The following TRIP12 variants were observed in gnomAD, a reference collection of about 807,000 sequenced individuals.
TRIP12 encodes E3 ubiquitin-protein ligase TRIP12.
TRIP12 carries 25 observed loss-of-function variants against 244.2 expected under a neutral mutation model. The ratio of observed to expected loss-of-function variants is 0.10; its 90% confidence interval spans 0.07 to 0.14. The LOEUF is 0.14. Among genes scored for constraint, TRIP12 ranks in the 10% least tolerant of loss-of-function variants. TRIP12 has a pLI of 1.00. For missense variants in TRIP12, 1,677 were observed against 2,486.4 expected (o/e 0.67, Z 6.92); for synonymous variants, 905 against 873.1 (o/e 1.04, Z -0.64).
At chr2:229,775,391 A>T (rs1455899951) in intron 37 of TRIP12, among the ~76,000 whole-genome samples, 4 of 151,462 alleles carry the variant, frequency 2.6e-5, no homozygotes, top group Admixed American at 2.6e-4. Flanking sequence ...AGATTTAAAA[A>T]AAAAAAAAAA....
intron 38 of TRIP12, 21 bp downstream of exon 38, chr2:229,774,076 C>G (rs780341125): frequency 6.2e-7 from 1 of 1,606,332 alleles, no homozygotes; most frequent in Non-Finnish European, 8.5e-7. Flanking sequence ...TGGCCTACCC[C>G]CCAAAGACAC....
At chr2:229,922,777 C>A (rs935409722), upstream of TRIP12, among the ~76,000 whole-genome samples, 1 of 152,228 alleles carries the variant, frequency 6.6e-6, no homozygotes, top group African/African-American at 2.4e-5. Flanking sequence ...CTCGGTCCGA[C>A]GGCCCGCGTG....
intron 17 of TRIP12, 91 bp downstream of exon 17, chr2:229,807,617 A>C: frequency 6.8e-7 from 1 of 1,472,420 alleles, no homozygotes; most frequent in Non-Finnish European, 9.5e-7. Flanking sequence ...AATCAAGCAC[A>C]TTCAAATCCA....
At chr2:229,899,088 G>T (rs1022977232) in intron 1 of TRIP12, among the ~76,000 whole-genome samples, 1 of 152,084 alleles carries the variant, frequency 6.6e-6, no homozygotes, top group African/African-American at 2.4e-5. Flanking sequence ...TAAGAAACCA[G>T]TAAAGCAAGA....
intron 8 of TRIP12, among the ~76,000 whole-genome samples, chr2:229,828,989 G>T (rs907293320): frequency 1.2e-4 from 19 of 152,044 alleles, no homozygotes; most frequent in African/African-American, 3.9e-4. Context: ...TTCTTATTTT[G>T]TTCAAACAGA....
intron 2 of TRIP12, among the ~76,000 whole-genome samples, chr2:229,872,587 C>A (rs2062860691): frequency 6.6e-6 from 1 of 151,848 alleles, no homozygotes; most frequent in South Asian, 2.1e-4. Context: ...GAAAAAGATG[C>A]CTATGAAACA....
At chr2:229,850,858 C>T (rs542579654) in intron 4 of TRIP12, among the ~76,000 whole-genome samples, 1 of 152,248 alleles carries the variant, frequency 6.6e-6, no homozygotes, top group Non-Finnish European at 1.5e-5. Context: ...GCTCAGCACC[C>T]GGGCCAGCGG....
In TRIP12 at chr2:229,771,499, T is replaced by A; in HGVS notation, c.5808+20A>T. The A allele has an allele frequency of 6.3e-7, 1 of 1,591,280 alleles. No individual in the cohort carries two copies. Among genetic ancestry groups the A allele is most frequent in the South Asian group, 1.1e-5 (1 of 90,462 alleles). ...TAAAATTATAGGTATGACCATTTCT[T>A]TTAGATATAAGCTACTCACTTCCTC... On this transcript the variant is annotated intron_variant, in intron 39 of 41. Coordinates refer to ENST00000675903, the MANE Select transcript of TRIP12 (RefSeq NM_001348323.3).
intron 8 of TRIP12, among the ~76,000 whole-genome samples, chr2:229,824,409 A>G (rs893871564): frequency 1.3e-5 from 2 of 152,154 alleles, no homozygotes; most frequent in Non-Finnish European, 2.9e-5. Context: ...AAAACATCGT[A>G]TGCATTTACA....
At chr2:229,902,451 G>T (rs1389587736) in intron 1 of TRIP12, among the ~76,000 whole-genome samples, 1 of 152,014 alleles carries the variant, frequency 6.6e-6, no homozygotes, top group African/African-American at 2.4e-5. Context: ...CAGCATTATT[G>T]GCGGTACCTT....
At chr2:229,816,528 GTGA>G (rs2048539683) in intron 9 of TRIP12, among the ~76,000 whole-genome samples, 1 of 152,130 alleles carries the variant, frequency 6.6e-6, no homozygotes, top group African/African-American at 2.4e-5. Context: ...TGACTGTATT[GTGA>G]TGAAGAGATA....
At chr2:229,872,840 A>G (rs1295340269) in intron 2 of TRIP12, among the ~76,000 whole-genome samples, 1 of 152,148 alleles carries the variant, frequency 6.6e-6, no homozygotes, top group Non-Finnish European at 1.5e-5. Flanking sequence ...TTATCTTCTA[A>G]TGGGTAACTC....
intron 2 of TRIP12, among the ~76,000 whole-genome samples, chr2:229,869,454 T>C (rs990177335): frequency 6.6e-6 from 1 of 152,178 alleles, no homozygotes; most frequent in Admixed American, 6.5e-5. Context: ...CACACCTGCT[T>C]TGCAACTGTT....
intron 21 of TRIP12, among the ~76,000 whole-genome samples, chr2:229,801,192 T>C (rs561087521): frequency 1.6e-4 from 25 of 152,174 alleles, no homozygotes; most frequent in African/African-American, 6.0e-4. Flanking sequence ...TCCCCAGAAC[T>C]CTCCAAGCCC....
chr2:229,832,433 T>C (rs1028330001), intron 6 of TRIP12, among the ~76,000 whole-genome samples: 3 of 152,128 alleles, frequency 2.0e-5, no homozygotes, highest in African/African-American at 4.8e-5. Flanking sequence ...TTTAGAGCCA[T>C]AGAGAGACAG....
chr2:229,787,684 T>C, intron 32 of TRIP12, 23 bp from the exon 33 acceptor site: 2 of 1,556,038 alleles, frequency 1.3e-6, no homozygotes, highest in Non-Finnish European at 8.7e-7. Context: ...GCAATGTAAG[T>C]TTATTATCTG....
Position 229,813,933 on chromosome 2 carries a change from C to T in TRIP12, c.1923G>A (p.Thr641=), listed in dbSNP as rs747345349. ...AIAANCCQSI[T]PDEFHFVADS... ...CTGCCACAAAATGAAATTCATCTGGCGTGATACTCTGGCAGCAATTAGCTG... is the reference window on the plus strand; with the variant it reads ...CTGCCACAAAATGAAATTCATCTGGTGTGATACTCTGGCAGCAATTAGCTG... Residue 641 remains threonine, a synonymous_variant, in exon 13 of 42, where the codon ACG becomes ACA. Transcript: ENST00000675903. 6 of 1,598,108 alleles carry T rather than the reference C, an allele frequency of 3.8e-6. No homozygotes were observed. Among genetic ancestry groups the T allele is most frequent in the East Asian group, 2.2e-5 (1 of 44,496 alleles).
chr2:229,901,770 A>G (rs2070952234), intron 1 of TRIP12, among the ~76,000 whole-genome samples: 1 of 152,172 alleles, frequency 6.6e-6, no homozygotes, highest in African/African-American at 2.4e-5. Flanking sequence ...ATTACCAGAC[A>G]GTTCTGTGAG....
intron 1 of TRIP12, among the ~76,000 whole-genome samples, chr2:229,920,168 C>A (rs1469767273): frequency 6.6e-6 from 1 of 152,126 alleles, no homozygotes; most frequent in Non-Finnish European, 1.5e-5. Flanking sequence ...TTTTACCCCA[C>A]TCAATAGCTC....
Sources: allele counts gnomAD v4.1 joint callset (sites outside exome capture counted in the v4.1 genomes callset), GRCh38; gene constraint gnomAD v4.1.1; transcripts MANE v1.5; gene names NCBI Gene and HGNC (gene_info 2026-07-23, HGNC 2026-07-21).